Variants in ABLIM1 observed in about 807,000 individuals in gnomAD.
ABLIM1 encodes the protein actin binding LIM protein 1.
Under a neutral mutation model 107.0 loss-of-function variants are expected in ABLIM1, and 40 were observed. The observed-to-expected ratio is 0.37, with a 90% CI of 0.29 to 0.49. The LOEUF (loss-of-function observed/expected upper bound fraction) is 0.49, where lower values mean the gene tolerates loss of function less well. Ranked by LOEUF, ABLIM1 falls within the 20% of genes least tolerant of loss-of-function variation. The pLI is 0.97. For missense variants in ABLIM1, 857 were observed against 1,008.5 expected, an observed-to-expected ratio of 0.85 and a Z score of 2.04; for synonymous variants, 357 against 357.3, an observed-to-expected ratio of 1.00 and a Z score of 0.01.
chr10:114,495,837 T>A (rs1233618252), intron 6 of ABLIM1, among the ~76,000 whole-genome samples: 1 of 152,194 alleles, frequency 6.6e-6, no homozygotes, highest in Non-Finnish European at 1.5e-5. Context: ...CAGTTAGAAC[T>A]GGTGGGACCA....
intron 1 of ABLIM1, among the ~76,000 whole-genome samples, chr10:114,728,843 CAAAACTGT>C (rs778820963): frequency 3.3e-5 from 5 of 152,134 alleles, no homozygotes; most frequent in Non-Finnish European, 7.4e-5. Context: ...TGAAGTATGG[CAAAACTGT>C]AACATTCTAT....
intron 4 of ABLIM1, 110 bp downstream of exon 4, chr10:114,571,187 T>C (rs2071627642): frequency 2.3e-6 from 2 of 872,074 alleles, no homozygotes; most frequent in African/African-American, 3.3e-5. Flanking sequence ...TTCAAGTAGA[T>C]AGATGACTCT....
the ABLIM1 span, among the ~76,000 whole-genome samples, chr10:114,795,148 CACAA>C: frequency 1.3e-5 from 2 of 152,118 alleles, no homozygotes; most frequent in South Asian, 2.1e-4. Context: ...CAAAGGGTCA[CACAA>C]ACATTCTTTG....
chr10:114,704,307 T>C (rs2081371814), intron 1 of ABLIM1, among the ~76,000 whole-genome samples: 1 of 22,460 alleles, frequency 4.5e-5, no homozygotes, highest in Non-Finnish European at 9.1e-5. Context: ...TCTCTCTATA[T>C]ATATATATAT....
At chr10:114,567,962 G>A (rs1186912296) in intron 4 of ABLIM1, among the ~76,000 whole-genome samples, 36 of 151,288 alleles carry the variant, frequency 2.4e-4, no homozygotes, top group Admixed American at 2.0e-3. Flanking sequence ...AGGCCGAGGC[G>A]GGTGGATCAC....
chr10:114,580,914 A>G (rs567610469), intron 2 of ABLIM1, among the ~76,000 whole-genome samples: 1 of 152,312 alleles, frequency 6.6e-6, no homozygotes, highest in African/African-American at 2.4e-5. Context: ...GATTCCTTTC[A>G]TTAAAAAATA....
intron 1 of ABLIM1, among the ~76,000 whole-genome samples, chr10:114,607,183 C>T (rs187450891): frequency 1.3e-3 from 197 of 152,328 alleles, no homozygotes; most frequent in Non-Finnish European, 1.7e-3. Context: ...CTGCCTCAGC[C>T]TCCCAAGTAG....
At chr10:114,689,957 A>G (rs895409455), upstream of ABLIM1, among the ~76,000 whole-genome samples, 2 of 152,168 alleles carry the variant, frequency 1.3e-5, no homozygotes, top group Non-Finnish European at 2.9e-5. Flanking sequence ...TTTTAATTTC[A>G]TAATCATAAA....
chr10:114,548,653 T>C (rs556994357), intron 4 of ABLIM1, among the ~76,000 whole-genome samples: 13 of 152,254 alleles, frequency 8.5e-5, no homozygotes, highest in African/African-American at 3.1e-4. Flanking sequence ...GACTGCTTCA[T>C]TCTGTTAGGG....
rs558922160 is a variant in ABLIM1, at chr10:114,436,192, T to G, written c.*68A>C. 98 of 1,302,880 alleles carry G rather than the reference T, an allele frequency of 7.5e-5. No individual in the cohort carries two copies. Among genetic ancestry groups the G allele is most frequent in the Non-Finnish European group, 1.0e-4 (93 of 921,932 alleles). 80.7% of individuals were successfully genotyped at this position (1,302,880 alleles called of 1,614,324 possible). On this transcript the variant is annotated 3_prime_UTR_variant, in exon 23 of 23. Coordinates refer to ENST00000533213, the MANE Select transcript of ABLIM1 (RefSeq NM_002313.7). ...CAAATTCTCCAATCAAGTTTGGGCC[T>G]CAATATGACATCCTATGGGGCACCG... is the stretch of plus-strand genomic sequence containing the variant.
chr10:114,481,948 T>C (rs1285546141), intron 8 of ABLIM1, among the ~76,000 whole-genome samples: 2 of 152,248 alleles, frequency 1.3e-5, no homozygotes, highest in South Asian at 2.1e-4. Flanking sequence ...TTGTTCGGTA[T>C]ATTATAGATT....
chr10:114,589,084 CA>C (rs1329900413), intron 2 of ABLIM1, among the ~76,000 whole-genome samples: 4 of 150,860 alleles, frequency 2.7e-5, no homozygotes, highest in African/African-American at 7.3e-5. Context: ...TTTAGTTTAA[CA>C]AAAAAAGTTC....
Position 114,439,237 on chromosome 10 carries a change from C to T in ABLIM1, c.2081G>A (p.Gly694Asp), listed in dbSNP as rs139367133. Residue 694 changes from glycine to aspartate, a missense_variant, in exon 21 of 23, where the codon GGC (glycine) becomes GAC (aspartate). Coordinates refer to ENST00000533213, the MANE Select transcript of ABLIM1 (RefSeq NM_002313.7). ...GVRDYQTLPD[G>D]HMPAMRMDRG... Reference sequence around the variant, plus strand: ...GTCCATTCTCATTGCAGGCATGTGGCCATCTGGGAGTGTCTGCAACAGAAA... The same window carrying T: ...GTCCATTCTCATTGCAGGCATGTGGTCATCTGGGAGTGTCTGCAACAGAAA... 6 of 1,614,186 alleles carry T rather than the reference C, an allele frequency of 3.7e-6. No individual in the cohort carries two copies. Among genetic ancestry groups the T allele is most frequent in the Non-Finnish European group, 4.2e-6 (5 of 1,180,022 alleles).
chr10:114,677,340 C>T (rs1274232697), intron 1 of ABLIM1, among the ~76,000 whole-genome samples: 1 of 152,134 alleles, frequency 6.6e-6, no homozygotes, highest in Non-Finnish European at 1.5e-5. Context: ...GACAAAAAAC[C>T]CAGAAATACC....
intron 19 of ABLIM1, 131 bp from the exon 20 acceptor site, chr10:114,440,220 G>C: frequency 2.2e-6 from 2 of 917,134 alleles, no homozygotes; most frequent in Non-Finnish European, 3.4e-6. Context: ...TCTGCTCCCA[G>C]ACTCTGCACA....
chr10:114,757,403 G>A (rs1169820286), intron 1 of ABLIM1, among the ~76,000 whole-genome samples: 1 of 152,084 alleles, frequency 6.6e-6, no homozygotes, highest in Non-Finnish European at 1.5e-5. Context: ...TTTCATAGAA[G>A]GCTGACTAAG....
intron 6 of ABLIM1, among the ~76,000 whole-genome samples, chr10:114,492,865 C>G (rs1228940198): frequency 6.6e-6 from 1 of 152,186 alleles, no homozygotes; most frequent in East Asian, 1.9e-4. Flanking sequence ...CTTTCTCATA[C>G]TTTCCTGTAA....
chr10:114,684,597 C>T (rs10885596), exon 1 of ABLIM1: 161,767 of 1,304,394 alleles, frequency 0.12, 13,009 homozygotes, highest in East Asian at 0.44. Context: ...CTTCTTCTCT[C>T]GACCCTGCCC....
At chr10:114,497,856 A>C (rs1258781140) in intron 6 of ABLIM1, among the ~76,000 whole-genome samples, 1 of 152,176 alleles carries the variant, frequency 6.6e-6, no homozygotes, top group Non-Finnish European at 1.5e-5. Context: ...AAGTGCAAAA[A>C]ATTGTTTGCC....
Sources: gnomAD v4.1 joint callset for allele counts (sites outside exome capture counted in the v4.1 genomes callset) on GRCh38, gnomAD v4.1.1 for gene constraint, MANE v1.5 for transcripts, NCBI Gene and HGNC (gene_info 2026-07-23, HGNC 2026-07-21) for gene names.